The following MRE11 variants were observed in gnomAD, a reference collection of about 807,000 sequenced individuals.
MRE11 encodes double-strand break repair protein MRE11.
Under a neutral mutation model 91.7 loss-of-function variants are expected in MRE11, and 62 were observed. That is an observed-to-expected ratio of 0.68 (90% CI 0.55 to 0.84). MRE11 has a LOEUF of 0.84. Ranked by LOEUF, MRE11 falls within the 40% of genes least tolerant of loss-of-function variation. The probability of loss-of-function intolerance (pLI) is 0.00; values close to 1 mark genes in which losing one functional copy is unlikely to be tolerated. For synonymous variants in MRE11, 273 were observed against 271.4 expected, an observed-to-expected ratio of 1.01 and a Z score of -0.06; for missense variants, 796 against 852.9, an observed-to-expected ratio of 0.93 and a Z score of 0.83.
chr11:94,509,349 A>T, the MRE11 span, among the ~76,000 whole-genome samples: 1 of 152,210 alleles, frequency 6.6e-6, no homozygotes, highest in South Asian at 2.1e-4. Flanking sequence ...TTTTTACTAT[A>T]TAAAAGTAAC....
chr11:94,421,530 A>T (rs1331546225), intron 19 of MRE11, among the ~76,000 whole-genome samples: 1 of 152,226 alleles, frequency 6.6e-6, no homozygotes. Context: ...TAACTGTAAC[A>T]TATAACCGCA....
At chr11:94,512,369 C>A in the MRE11 span, 1 of 619,224 alleles carries the variant, frequency 1.6e-6, no homozygotes, top group Non-Finnish European at 2.3e-6. Flanking sequence ...AACTTCAGCA[C>A]CTTCTTTGGT....
rs775666563 is a variant in MRE11, at chr11:94,471,625, T to G, written c.794A>C (p.Gln265Pro). The change falls in exon 8 of 20, where the codon CAA becomes CCA. Residue 265 changes from glutamine (Q) to proline (P), a missense_variant. By Grantham distance (76) the Gln-to-Pro change is moderately conservative. Transcript: ENST00000323929. Reference protein sequence around the residue: ...KNEQQLFYISQPGSSVVTSLS... With the variant: ...KNEQQLFYISPPGSSVVTSLS... ...AGAAGTAACCACTGAGCTTCCAGGTTGTGAGATATAAAACAGCTGTTGTTC... is the reference window on the plus strand; with the variant it reads ...AGAAGTAACCACTGAGCTTCCAGGTGGTGAGATATAAAACAGCTGTTGTTC... The G allele has an allele frequency of 1.2e-6, 2 of 1,612,864 alleles. No individual in the cohort carries two copies. Among genetic ancestry groups the G allele is most frequent in the Non-Finnish European group, 1.7e-6 (2 of 1,179,122 alleles).
At chr11:94,473,477 A>T (rs978476577) in intron 7 of MRE11, 2 of 152,150 alleles carry the variant, frequency 1.3e-5, no homozygotes, top group Non-Finnish European at 2.9e-5. Flanking sequence ...AAACAAGAGA[A>T]AAAAACAGTT....
At chr11:94,505,113 A>G in the MRE11 span, among the ~76,000 whole-genome samples, 1 of 152,228 alleles carries the variant, frequency 6.6e-6, no homozygotes, top group African/African-American at 2.4e-5. Context: ...AACTACGTAC[A>G]GTACACAACA....
At position 94,418,081 on chromosome 11, in the gene MRE11, C is replaced by G. The variant is rs1451947865; in HGVS notation, c.*2044G>C. 4.3e-6 allele frequency: 1 copy of G among 232,964 alleles called. No individual in the cohort carries two copies. Among genetic ancestry groups the G allele is most frequent in the Non-Finnish European group, 8.5e-6 (1 of 117,978 alleles). The allele number at this position is 232,964 out of a possible 1,614,324, so 14.4% of individuals were successfully genotyped here. A position where few individuals can be genotyped will look rare whatever the true frequency, so the allele number is the denominator to read the frequency against. On this transcript the variant is annotated 3_prime_UTR_variant, in exon 20 of 20. Transcript: ENST00000323929. Reference sequence around the variant, plus strand: ...TCTGAAAGACTTCTACATTCCTATACCAACAGGTCTGAAAATTGTTAGAAA... The same window carrying G: ...TCTGAAAGACTTCTACATTCCTATAGCAACAGGTCTGAAAATTGTTAGAAA...
In MRE11 at chr11:94,445,885, C is replaced by A. The variant is rs587781951; in HGVS notation, c.1792G>T (p.Gly598Cys). The change falls in exon 16 of 20, where the codon GGT (glycine) becomes TGT (cysteine). Residue 598 changes from glycine (G) to cysteine (C), a missense_variant. Gly to Cys is a radical substitution (Grantham distance 159, BLOSUM62 -3). Transcript: ENST00000323929. Reference protein sequence around the residue: ...GGSQRGRADTGLETSTRSRNS... With the variant: ...GGSQRGRADTCLETSTRSRNS... ...CTGCTACGGGTAGAAGTCTCCAGAC[C>A]AGTGTCTGCTGTTAGAAAAATGAAC... The A allele has an allele frequency of 1.2e-6, 2 of 1,613,242 alleles. No individual in the cohort carries two copies. The highest frequency in any genetic ancestry group is 1.7e-6 in the Non-Finnish European group (2 of 1,179,226).
At chr11:94,474,696 A>G (rs1472993477) in intron 7 of MRE11, among the ~76,000 whole-genome samples, 1 of 152,216 alleles carries the variant, frequency 6.6e-6, no homozygotes, top group Non-Finnish European at 1.5e-5. Context: ...GGAACTTTAC[A>G]GCAGAGAAAG....
In MRE11 at chr11:94,445,115, T is replaced by A. The variant is rs13447705; in HGVS notation, c.1867+695A>T. On this transcript the variant is annotated intron_variant, in intron 16 of 19. Coordinates refer to ENST00000323929, the MANE Select transcript of MRE11 (RefSeq NM_005591.4). ...TAATTTCTCTTAAATATAGGTCACA[T>A]GACTTCTCTATATGGAAAGCAGAGA... 6.1e-3 allele frequency among the ~76,000 whole-genome samples: 925 copies of A among 152,242 alleles called. 10 individuals carry two copies. The highest frequency in any genetic ancestry group is 0.021 in the African/African-American group (890 of 41,532).
At chr11:94,496,316 A>G (rs1426338322), upstream of MRE11, among the ~76,000 whole-genome samples, 1 of 152,216 alleles carries the variant, frequency 6.6e-6, no homozygotes, top group East Asian at 1.9e-4. Context: ...TTAAGCATTC[A>G]TCACTGTTAG....
At chr11:94,422,974 A>G (rs1474109434) in intron 19 of MRE11, among the ~76,000 whole-genome samples, 1 of 152,162 alleles carries the variant, frequency 6.6e-6, no homozygotes, top group Admixed American at 6.5e-5. Context: ...CAGCCTTCCA[A>G]AGTGCTGGGA....
At chr11:94,496,869 A>G, upstream of MRE11, 4 of 1,613,966 alleles carry the variant, frequency 2.5e-6, no homozygotes, top group South Asian at 2.2e-5. Flanking sequence ...GATGACAAAA[A>G]TGAAGAGTGG....
chr11:94,449,482 G>A (rs1946036000), intron 14 of MRE11, among the ~76,000 whole-genome samples: 1 of 152,170 alleles, frequency 6.6e-6, no homozygotes, highest in Non-Finnish European at 1.5e-5. Flanking sequence ...ATCATTTATG[G>A]AGACGCAGAG....
chr11:94,489,005 C>T (rs944809864), intron 3 of MRE11, among the ~76,000 whole-genome samples: 16 of 152,154 alleles, frequency 1.1e-4, no homozygotes, highest in African/African-American at 3.6e-4. Context: ...ATACCCACTG[C>T]TTTCTGATTC....
At chr11:94,458,064 G>C (rs1946308921) in intron 13 of MRE11, among the ~76,000 whole-genome samples, 1 of 151,948 alleles carries the variant, frequency 6.6e-6, no homozygotes, top group African/African-American at 2.4e-5. Context: ...GGTTTTAGAG[G>C]GTGAACTGCC....
intron 8 of MRE11, among the ~76,000 whole-genome samples, chr11:94,471,326 T>C (rs957976823): frequency 3.9e-5 from 6 of 152,016 alleles, no homozygotes; most frequent in African/African-American, 1.2e-4. Flanking sequence ...ATAATAAAAA[T>C]GTGCATCTTG....
intron 14 of MRE11, among the ~76,000 whole-genome samples, chr11:94,453,746 A>C (rs941578224): frequency 1.3e-5 from 2 of 152,114 alleles, no homozygotes; most frequent in African/African-American, 4.8e-5. Flanking sequence ...TGATTTGCAA[A>C]TATTTTCTCT....
chr11:94,416,866 C>T lies in MRE11; in HGVS notation c.*3259G>A, dbSNP rs989950133. ...TCTCAAAAAAAAAAAACAAAAAAAA[C>T]CCAAAATACTATGAATTAAATTTAT... On this transcript the variant is annotated 3_prime_UTR_variant, in exon 20 of 20. Coordinates refer to ENST00000323929, the MANE Select transcript of MRE11 (RefSeq NM_005591.4). 6 of 149,458 alleles carry T rather than the reference C, an allele frequency of 4.0e-5. No individual in the cohort carries two copies. Among genetic ancestry groups the T allele is most frequent in the Non-Finnish European group, 8.9e-5 (6 of 67,386 alleles). The allele number at this position is 149,458 out of a possible 1,614,324, so 9.3% of individuals were successfully genotyped here.
At chr11:94,446,174 G>A (rs1416663151) in intron 15 of MRE11, among the ~76,000 whole-genome samples, 1 of 152,192 alleles carries the variant, frequency 6.6e-6, no homozygotes, top group African/African-American at 2.4e-5. Context: ...TTGGGAGACA[G>A]AGGCGGGAGG....
Sources: gnomAD v4.1 joint callset for allele counts (sites outside exome capture counted in the v4.1 genomes callset) on GRCh38, gnomAD v4.1.1 for gene constraint, MANE v1.5 for transcripts, NCBI Gene and HGNC (gene_info 2026-07-23, HGNC 2026-07-21) for gene names.